CBLB: variants seen among roughly 807,000 people sequenced by gnomAD.
CBLB encodes E3 ubiquitin-protein ligase CBL-B.
A neutral mutation model predicts 104.9 loss-of-function variants in CBLB; 31 were observed. The ratio of observed to expected loss-of-function variants is 0.30; its 90% CI spans 0.22 to 0.40. CBLB has a LOEUF of 0.40. Ranked by LOEUF, CBLB falls within the 10% of genes least tolerant of loss-of-function variation. The pLI is 1.00. For synonymous variants in CBLB, 440 were observed against 422.6 expected (o/e 1.04, Z -0.51); for missense variants, 1,062 against 1,214.6 (o/e 0.87, Z 1.87).
At chr3:105,827,751 T>TA (rs1290456079) in intron 3 of CBLB, among the ~76,000 whole-genome samples, 1 of 152,180 alleles carries the variant, frequency 6.6e-6, no homozygotes, top group African/African-American at 2.4e-5. Flanking sequence ...ATCTAACAGT[T>TA]ACAGATAGTC....
intron 3 of CBLB, among the ~76,000 whole-genome samples, chr3:105,836,824 GC>G (rs1462439841): frequency 1.3e-5 from 2 of 152,214 alleles, no homozygotes; most frequent in African/African-American, 2.4e-5. Flanking sequence ...GAACACACAT[GC>G]CTCTGTTTTC....
At chr3:105,756,354 T>C (rs2077083702) in intron 4 of CBLB, among the ~76,000 whole-genome samples, 1 of 152,138 alleles carries the variant, frequency 6.6e-6, no homozygotes, top group African/African-American at 2.4e-5. Context: ...AAAATGAAAC[T>C]TTAAACATTT....
At chr3:105,746,112 T>G in intron 5 of CBLB, 74 bp from the exon 6 acceptor site, 1 of 967,234 alleles carries the variant, frequency 1.0e-6, no homozygotes. Context: ...CTGAACCATA[T>G]TTAATACACT....
chr3:105,693,993 A>C (rs1255673723), intron 12 of CBLB, among the ~76,000 whole-genome samples: 2 of 151,978 alleles, frequency 1.3e-5, no homozygotes, highest in African/African-American at 4.8e-5. Context: ...TCCAAATTAA[A>C]GTGCTCTAAA....
chr3:105,816,045 G>T (rs986458021), intron 3 of CBLB, among the ~76,000 whole-genome samples: 2 of 152,066 alleles, frequency 1.3e-5, no homozygotes, highest in Non-Finnish European at 2.9e-5. Context: ...ACACACTGGG[G>T]CCTGTCGGGA....
intron 17 of CBLB, 86 bp from the exon 18 acceptor site, chr3:105,670,438 A>T: frequency 9.4e-7 from 1 of 1,065,744 alleles, no homozygotes; most frequent in Admixed American, 2.2e-5. Flanking sequence ...TTTTATGAAG[A>T]TTATGGCTTT....
intron 18 of CBLB, among the ~76,000 whole-genome samples, chr3:105,669,763 T>G (rs1055085093): frequency 1.3e-5 from 2 of 152,272 alleles, no homozygotes; most frequent in South Asian, 2.1e-4. Context: ...TTATTAACGG[T>G]TGTGAGTATG....
At chr3:105,699,088 C>G (rs1207583238) in intron 12 of CBLB, among the ~76,000 whole-genome samples, 1 of 151,942 alleles carries the variant, frequency 6.6e-6, no homozygotes, top group Non-Finnish European at 1.5e-5. Context: ...ATTACTAGCA[C>G]CAAGTAAGTA....
intron 4 of CBLB, among the ~76,000 whole-genome samples, chr3:105,773,964 C>T (rs1236819953): frequency 6.6e-6 from 1 of 152,210 alleles, no homozygotes; most frequent in African/African-American, 2.4e-5. Flanking sequence ...GAGGGTAGCA[C>T]TACCATGTCT....
chr3:105,723,217 A>G (rs2152833516), intron 9 of CBLB, among the ~76,000 whole-genome samples: 1 of 152,314 alleles, frequency 6.6e-6, no homozygotes, highest in Middle Eastern at 3.4e-3. Flanking sequence ...AATACACATG[A>G]AGAATGTCTT....
Position 105,704,117 on chromosome 3 carries a change from C to T in CBLB, c.1464G>A (p.Gln488=). ...VTSPGSSPLA[Q]RRKPQPDPLQ... ...GTGGGTCAGGCTGTGGCTTTCTTCT[C>T]TGGGCAAGGGGAGAGGATCCTGGTG... The change falls in exon 11 of 19, where the codon CAG becomes CAA. Residue 488 remains glutamine (Q), a synonymous_variant. Transcript: ENST00000394030. 1 of 1,614,128 alleles carries T rather than the reference C, an allele frequency of 6.2e-7. No individual in the cohort carries two copies. Among genetic ancestry groups the T allele is most frequent in the African/African-American group, 1.3e-5 (1 of 75,036 alleles).
intron 9 of CBLB, among the ~76,000 whole-genome samples, chr3:105,722,568 A>T (rs78132365): frequency 1.3e-5 from 2 of 152,160 alleles, no homozygotes; most frequent in Non-Finnish European, 2.9e-5. Context: ...TTAAAGACCT[A>T]ATCGTAACTA....
At chr3:105,758,442 C>T (rs1047204729) in intron 4 of CBLB, among the ~76,000 whole-genome samples, 1 of 152,180 alleles carries the variant, frequency 6.6e-6, no homozygotes, top group Admixed American at 6.5e-5. Context: ...GCACTACTGT[C>T]GCTTATTGTT....
At chr3:105,795,473 T>G (rs2082154018) in intron 3 of CBLB, among the ~76,000 whole-genome samples, 1 of 152,236 alleles carries the variant, frequency 6.6e-6, no homozygotes, top group Non-Finnish European at 1.5e-5. Flanking sequence ...TGGATAGATA[T>G]ATGTTGAGTA....
chr3:105,680,781 T>C (rs1030078257), intron 16 of CBLB, among the ~76,000 whole-genome samples: 3 of 152,228 alleles, frequency 2.0e-5, no homozygotes, highest in African/African-American at 7.2e-5. Flanking sequence ...GACTTGTTAT[T>C]GTGAAGCGTT....
chr3:105,836,894 G>A (rs1374951267), intron 3 of CBLB, among the ~76,000 whole-genome samples: 1 of 151,238 alleles, frequency 6.6e-6, no homozygotes, highest in Non-Finnish European at 1.5e-5. Context: ...TTCTTTAAAA[G>A]CCCTGCCTAC....
At chr3:105,860,465 C>T (rs908138975) in intron 2 of CBLB, among the ~76,000 whole-genome samples, 1 of 152,164 alleles carries the variant, frequency 6.6e-6, no homozygotes, top group Non-Finnish European at 1.5e-5. Context: ...ACTCTTCATA[C>T]TGTGAACACA....
intron 2 of CBLB, among the ~76,000 whole-genome samples, chr3:105,860,604 T>C (rs369254978): frequency 1.4e-4 from 21 of 152,346 alleles, no homozygotes; most frequent in African/African-American, 4.8e-4. Context: ...TAAAGTGCTA[T>C]GCACTGTGTC....
intron 8 of CBLB, among the ~76,000 whole-genome samples, chr3:105,735,681 T>A (rs960413001): frequency 1.3e-5 from 2 of 152,224 alleles, no homozygotes; most frequent in Non-Finnish European, 2.9e-5. Flanking sequence ...CCGGGCATGG[T>A]GGCTCACGCC....
Sources: allele counts gnomAD v4.1 joint callset (sites outside exome capture counted in the v4.1 genomes callset), GRCh38; gene constraint gnomAD v4.1.1; transcripts MANE v1.5; gene names NCBI Gene and HGNC (gene_info 2026-07-23, HGNC 2026-07-21).